Variants in BRWD3 observed in about 807,000 individuals in gnomAD.
BRWD3 encodes bromodomain and WD repeat-containing protein 3.
In BRWD3, 10 loss-of-function variants were observed where a neutral mutation model predicts 149.7. That is an observed-to-expected ratio of 0.07 (90% confidence interval 0.04 to 0.11). BRWD3 has a LOEUF of 0.11. Among genes scored for constraint, BRWD3 ranks in the 10% least tolerant of loss-of-function variants. The probability of loss-of-function intolerance (pLI) is 1.00; values close to 1 mark genes in which losing one functional copy is unlikely to be tolerated. For synonymous variants in BRWD3, 504 were observed against 456.7 expected (o/e 1.10, Z -1.32); for missense variants, 940 against 1,373.2 (o/e 0.68, Z 4.99).
At position 80,773,242 on chromosome X, in the gene BRWD3, A is replaced by G. The variant is rs146694238; in HGVS notation, c.430+18612T>C. On this transcript the variant is annotated intron_variant, in intron 6 of 40. Transcript: ENST00000373275. ...ATATACATAAATGAGTACAAGTAAA[A>G]CTGAGGACATCTGATATGACCACAA... Among the ~76,000 whole-genome samples the G allele has an allele frequency of 7.8e-3, 869 of 111,474 alleles. 5 individuals are homozygous for G. The highest frequency in any genetic ancestry group is 0.027 in the African/African-American group (821 of 30,665).
intron 27 of BRWD3, among the ~76,000 whole-genome samples, chrX:80,695,611 T>C (rs2072677812): frequency 9.0e-6 from 1 of 111,668 alleles, no homozygotes; most frequent in African/African-American, 3.3e-5. Context: ...AGTAATCATG[T>C]GTTTTAGAAC....
At chrX:80,767,726 A>G (rs1402487274) in intron 6 of BRWD3, among the ~76,000 whole-genome samples, 1 of 112,312 alleles carries the variant, frequency 8.9e-6, no homozygotes, top group Admixed American at 9.4e-5. Context: ...ATGAAGAATG[A>G]CTTTGACAAG....
chrX:80,712,349 CTG>C (rs1275924036), intron 20 of BRWD3, among the ~76,000 whole-genome samples: 1 of 110,809 alleles, frequency 9.0e-6, no homozygotes, highest in Non-Finnish European at 1.9e-5. Context: ...CGGGGTTTCG[CTG>C]TGTTGGCCGG....
chrX:80,688,086 T>G lies in BRWD3; in HGVS notation c.3847A>C (p.Thr1283Pro). The G allele has an allele frequency of 8.3e-7, 1 of 1,202,423 alleles. No homozygotes were observed. Among genetic ancestry groups the G allele is most frequent in the South Asian group, 1.8e-5 (1 of 56,788 alleles). The change falls in exon 34 of 41, where the codon ACT (threonine) becomes CCT (proline). Residue 1283 changes from threonine to proline, a missense_variant. By Grantham distance (38) the Thr-to-Pro change is conservative (BLOSUM62 -1). This residue lies in a region of BRWD3 where 349 missense variants were observed against 419.6 expected (regional missense o/e 0.83). Transcript: ENST00000373275. The stretch of plus-strand genomic sequence containing the variant: ...TTACTCACCTTTCTTCCAGATGAAG[T>G]ACCAGGACCGTCTGAATCTAAATCA... ...IVDLDSDGPG[T>P]SSGRKVKCRG...
chrX:80,691,075 T>G lies in BRWD3; in HGVS notation c.3580A>C (p.Arg1194=). Residue 1194 remains arginine (R), a synonymous_variant, in exon 31 of 41, where the codon AGA becomes CGA. Coordinates refer to ENST00000373275, the MANE Select transcript of BRWD3 (RefSeq NM_153252.5). ...YPTDLNTIRR[R]LENRFYRRIS... ...GACCTGTAAAAGCGATTTTCAAGTC[T>G]CCGCCTGATGGTATTGAGGTCAGTT... is the stretch of plus-strand genomic sequence containing the variant. 1.7e-6 allele frequency: 2 copies of G among 1,209,169 alleles called. No homozygotes were observed. Among genetic ancestry groups the G allele is most frequent in the Non-Finnish European group, 2.2e-6 (2 of 894,154 alleles).
chrX:80,802,598 A>G (rs967764264), intron 4 of BRWD3, among the ~76,000 whole-genome samples: 3 of 110,102 alleles, frequency 2.7e-5, no homozygotes, highest in Non-Finnish European at 5.7e-5. Flanking sequence ...GTAGCGAACA[A>G]TTCATTTGCA....
At chrX:80,751,981 C>CATT (rs199879142) in intron 6 of BRWD3, among the ~76,000 whole-genome samples, 2,786 of 87,713 alleles carry the variant, frequency 0.032, 87 homozygotes, top group African/African-American at 0.084. Context: ...ATTCATATTT[C>CATT]ATTATTATTA....
chrX:80,771,023 T>A (rs1247520439), intron 6 of BRWD3, among the ~76,000 whole-genome samples: 3 of 111,096 alleles, frequency 2.7e-5, no homozygotes, highest in Non-Finnish European at 5.7e-5. Flanking sequence ...GAGAATAAAA[T>A]ACCTAGGAAT....
intron 20 of BRWD3, among the ~76,000 whole-genome samples, chrX:80,711,754 T>C (rs2072971852): frequency 8.9e-6 from 1 of 112,146 alleles, no homozygotes; most frequent in Non-Finnish European, 1.9e-5. Flanking sequence ...TAATTGCTAA[T>C]TAGAAAATTT....
Position 80,745,602 on chromosome X carries a change from T to A in BRWD3, c.558A>T (p.Val186=). The A allele has an allele frequency of 4.1e-6, 5 of 1,210,494 alleles. No individual in the cohort carries two copies. The highest frequency in any genetic ancestry group is 5.6e-6 in the Non-Finnish European group (5 of 894,810). The stretch of plus-strand genomic sequence containing the variant: ...TTCTTCTCCCGCTTCGGTCAAATGC[T>A]ACACAGTAGACAGATGACAAGTGCC... ...ILGHLSSVYC[V]AFDRSGRRIF... is the part of the protein sequence containing the mutation. Residue 186 remains valine (V), a synonymous_variant, in exon 7 of 41, where the codon GTA becomes GTT. Coordinates refer to ENST00000373275, the MANE Select transcript of BRWD3 (RefSeq NM_153252.5).
chrX:80,761,365 C>G (rs2073800868), intron 6 of BRWD3, among the ~76,000 whole-genome samples: 1 of 111,787 alleles, frequency 8.9e-6, no homozygotes, highest in Non-Finnish European at 1.9e-5. Context: ...TATCTTCATG[C>G]ATGAAAAATA....
chrX:80,687,526 G>A (rs908900881), intron 34 of BRWD3, among the ~76,000 whole-genome samples: 2 of 111,423 alleles, frequency 1.8e-5, no homozygotes, highest in African/African-American at 6.5e-5. Flanking sequence ...GCAGAAGTCT[G>A]CACAAAAGAG....
In BRWD3 at chrX:80,750,384, C is replaced by CA. The variant is rs373681832; in HGVS notation, c.431-4656dup. Among the ~76,000 whole-genome samples the CA allele has an allele frequency of 3.0e-3, 312 of 103,543 alleles. 1 individual carries two copies. Among genetic ancestry groups the CA allele is most frequent in the African/African-American group, 8.6e-3 (246 of 28,513 alleles). The allele number at this position is 103,543 out of a possible 115,157, so 89.9% of individuals were successfully genotyped here. A position where few individuals can be genotyped will look rare whatever the true frequency, so the allele number is the denominator to read the frequency against. On this transcript the variant is annotated intron_variant, in intron 6 of 40. Coordinates refer to ENST00000373275, the MANE Select transcript of BRWD3 (RefSeq NM_153252.5). ...CTAAAATATATAAGAAACTCAATAG[C>CA]AAAAAAAAAATGTAATTAAAAATGG...
rs776983480 is a variant in BRWD3, at chrX:80,734,145, C to T, written c.1059G>A (p.Glu353=). The T allele has an allele frequency of 4.2e-6, 5 of 1,198,203 alleles. No individual in the cohort carries two copies. Among genetic ancestry groups the T allele is most frequent in the Non-Finnish European group, 5.7e-6 (5 of 883,549 alleles). ...TATGTGACTCTAATTCAGCAATTTT[C>T]TCAGGAACCTCAGAACCCAAATAAT... ...RIYYLGSEVP[E]KIAELESHTD... Residue 353 remains glutamate, a synonymous_variant, in exon 11 of 41, where the codon GAG becomes GAA. Transcript: ENST00000373275.
At chrX:80,754,843 C>T (rs759571830) in intron 6 of BRWD3, among the ~76,000 whole-genome samples, 3 of 110,873 alleles carry the variant, frequency 2.7e-5, no homozygotes, top group Admixed American at 9.7e-5. Flanking sequence ...CCCATCTCTA[C>T]TAAAATAACA....
chrX:80,693,614 T>C (rs750504046), intron 27 of BRWD3, among the ~76,000 whole-genome samples: 5 of 111,846 alleles, frequency 4.5e-5, no homozygotes, highest in Non-Finnish European at 9.4e-5. Context: ...AGGTCACTCA[T>C]GCTATGCTAT....
chrX:80,706,043 GTTTT>G (rs756038920), intron 22 of BRWD3, among the ~76,000 whole-genome samples: 1 of 111,731 alleles, frequency 9.0e-6, no homozygotes, highest in Non-Finnish European at 1.9e-5. Context: ...ACTTTTTAGT[GTTTT>G]TTAACTTTTT....
intron 8 of BRWD3, among the ~76,000 whole-genome samples, chrX:80,743,309 T>G (rs1187265847): frequency 5.4e-5 from 6 of 112,138 alleles, no homozygotes; most frequent in Non-Finnish European, 1.1e-4. Flanking sequence ...AGTATTTTAT[T>G]GAGGATTTTT....
intron 29 of BRWD3, 35 bp from the exon 30 acceptor site, chrX:80,692,013 A>G: frequency 8.5e-7 from 1 of 1,180,008 alleles, no homozygotes; most frequent in Non-Finnish European, 1.1e-6. Context: ...AATTAGAAAA[A>G]ATTATTTTCC....
Sources: allele counts gnomAD v4.1 joint callset (sites outside exome capture counted in the v4.1 genomes callset), GRCh38; gene constraint gnomAD v4.1.1; regional missense constraint gnomAD v4.1.1; transcripts MANE v1.5; gene names NCBI Gene and HGNC (gene_info 2026-07-23, HGNC 2026-07-21).